CNTN5: variants seen among roughly 807,000 people sequenced by gnomAD.
CNTN5 encodes contactin-5.
CNTN5 carries 77 observed loss-of-function variants against 129.1 expected under a neutral mutation model. The observed-to-expected ratio is 0.60, with a 90% CI of 0.50 to 0.72. CNTN5 has a LOEUF of 0.72. Ranked by LOEUF, CNTN5 falls within the 30% of genes least tolerant of loss-of-function variation. The pLI, the probability that CNTN5 is intolerant of heterozygous loss-of-function variation, is 0.00. For synonymous variants in CNTN5, 509 were observed against 465.6 expected, an observed-to-expected ratio of 1.09 and a Z score of -1.20; for missense variants, 1,478 against 1,328.8, an observed-to-expected ratio of 1.11 and a Z score of -1.75.
chr11:100,224,621 G>T (rs1949333783), intron 15 of CNTN5, 71 bp from the exon 16 acceptor site: 4 of 1,499,106 alleles, frequency 2.7e-6, no homozygotes, highest in Admixed American at 1.8e-5. Flanking sequence ...AATATGCAAA[G>T]TTCCCCCTTA....
At chr11:99,233,735 C>T (rs1264587873) in intron 1 of CNTN5, among the ~76,000 whole-genome samples, 1 of 152,084 alleles carries the variant, frequency 6.6e-6, no homozygotes, top group East Asian at 1.9e-4. Flanking sequence ...ATCACGAGGT[C>T]AGGAGATGGA....
chr11:99,057,816 G>GTGTGTGTA (rs1374518298), intron 1 of CNTN5, among the ~76,000 whole-genome samples: 1 of 150,814 alleles, frequency 6.6e-6, no homozygotes, highest in Non-Finnish European at 1.5e-5. Flanking sequence ...GTGTGTGTGT[G>GTGTGTGTA]TATGGTCATA....
intron 21 of CNTN5, among the ~76,000 whole-genome samples, chr11:100,327,287 C>T (rs569690518): frequency 1.3e-5 from 2 of 152,282 alleles, no homozygotes; most frequent in East Asian, 3.9e-4. Flanking sequence ...CAAGATCTGG[C>T]TCCATCTATG....
chr11:100,181,947 A>G (rs1029483978), intron 13 of CNTN5, among the ~76,000 whole-genome samples: 3 of 152,056 alleles, frequency 2.0e-5, no homozygotes, highest in Non-Finnish European at 4.4e-5. Context: ...CTTTTTAGAA[A>G]CTGACAAGCT....
chr11:99,137,392 T>C (rs144187747), intron 1 of CNTN5, among the ~76,000 whole-genome samples: 302 of 152,292 alleles, frequency 2.0e-3, no homozygotes, highest in Non-Finnish European at 3.2e-3. Context: ...CGTTGGCCCA[T>C]GTACTTAATA....
At chr11:99,900,518 G>A (rs1414785467) in intron 6 of CNTN5, among the ~76,000 whole-genome samples, 2 of 151,472 alleles carry the variant, frequency 1.3e-5, no homozygotes, top group Non-Finnish European at 1.5e-5. Flanking sequence ...AGAGGTTTTT[G>A]TATGTTACAT....
At chr11:99,610,700 G>A (rs576594919) in intron 3 of CNTN5, among the ~76,000 whole-genome samples, 47 of 152,224 alleles carry the variant, frequency 3.1e-4, no homozygotes, top group African/African-American at 1.1e-3. Flanking sequence ...GTGGCCGCAT[G>A]TTAGGAAATG....
intron 2 of CNTN5, among the ~76,000 whole-genome samples, chr11:99,440,086 G>C (rs1356973473): frequency 6.6e-6 from 1 of 152,106 alleles, no homozygotes; most frequent in Non-Finnish European, 1.5e-5. Flanking sequence ...CTCTAGAACA[G>C]TTTCTTCTGT....
In CNTN5 at chr11:99,036,501, C is replaced by T. The variant is rs188800556; in HGVS notation, c.-210+15231C>T. Among the ~76,000 whole-genome samples the T allele has an allele frequency of 3.3e-3, 501 of 151,902 alleles. 8 individuals are homozygous for T. Among genetic ancestry groups the T allele is most frequent in the East Asian group, 1.4e-3 (7 of 5,170 alleles). On this transcript the variant is annotated intron_variant, in intron 1 of 24. Coordinates refer to ENST00000524871, the MANE Select transcript of CNTN5 (RefSeq NM_014361.4). ...ATGATTTATATGAATAGTTCCTCAC[C>T]TAAAATTATCTATCAATTTATTTCT...
intron 1 of CNTN5, among the ~76,000 whole-genome samples, chr11:99,217,271 C>T (rs533070955): frequency 4.8e-5 from 3 of 62,062 alleles, no homozygotes; most frequent in African/African-American, 1.3e-4. Flanking sequence ...GGCAAAAGAT[C>T]TGTCTTAAGA....
intron 8 of CNTN5, among the ~76,000 whole-genome samples, chr11:99,995,341 T>C (rs1242739614): frequency 6.9e-6 from 1 of 145,258 alleles, no homozygotes; most frequent in Admixed American, 6.8e-5. Flanking sequence ...AAAAAAACAA[T>C]AAATACCACA....
At chr11:99,254,218 A>G (rs1388891241) in intron 1 of CNTN5, among the ~76,000 whole-genome samples, 3 of 151,820 alleles carry the variant, frequency 2.0e-5, no homozygotes, top group Non-Finnish European at 2.9e-5. Context: ...TAGAGGAGAG[A>G]TGAACAGGTA....
intron 2 of CNTN5, among the ~76,000 whole-genome samples, chr11:99,483,626 C>A (rs1452573941): frequency 6.6e-6 from 1 of 152,070 alleles, no homozygotes; most frequent in Non-Finnish European, 1.5e-5. Context: ...GACAGCGTAG[C>A]AACCACCTGA....
chr11:99,559,654 C>G (rs1002359562), intron 3 of CNTN5, among the ~76,000 whole-genome samples: 6 of 152,134 alleles, frequency 3.9e-5, no homozygotes, highest in African/African-American at 1.2e-4. Flanking sequence ...CAGTTTCTTA[C>G]AAAGCTAAAC....
chr11:99,271,780 A>T (rs566723963), intron 1 of CNTN5, among the ~76,000 whole-genome samples: 4 of 151,882 alleles, frequency 2.6e-5, no homozygotes, highest in African/African-American at 9.6e-5. Flanking sequence ...TGCCACATGG[A>T]TGTTTCTTTA....
chr11:99,207,956 C>A (rs1425623310), intron 1 of CNTN5, among the ~76,000 whole-genome samples: 1 of 152,252 alleles, frequency 6.6e-6, no homozygotes, highest in East Asian at 1.9e-4. Flanking sequence ...TTATGTACTT[C>A]CCAAAGCCAT....
chr11:99,463,439 A>G (rs1404024555), intron 2 of CNTN5, among the ~76,000 whole-genome samples: 4 of 118,156 alleles, frequency 3.4e-5, no homozygotes, highest in Non-Finnish European at 5.2e-5. Context: ...CTCTGTCTCA[A>G]AAAGAAAAAA....
At chr11:99,895,421 T>C (rs1949179810) in intron 6 of CNTN5, among the ~76,000 whole-genome samples, 2 of 152,194 alleles carry the variant, frequency 1.3e-5, no homozygotes, top group Admixed American at 1.3e-4. Flanking sequence ...CAGTTCAAGA[T>C]GGCTGGCTAG....
At chr11:100,146,804 A>C (rs533577688) in intron 13 of CNTN5, among the ~76,000 whole-genome samples, 44 of 152,286 alleles carry the variant, frequency 2.9e-4, no homozygotes, top group African/African-American at 1.0e-3. Flanking sequence ...GTGACTTTTA[A>C]ATGTTGTGAA....
Sources: allele counts gnomAD v4.1 joint callset (sites outside exome capture counted in the v4.1 genomes callset), GRCh38; gene constraint gnomAD v4.1.1; transcripts MANE v1.5; gene names NCBI Gene and HGNC (gene_info 2026-07-23, HGNC 2026-07-21).